The following STAU2 variants were observed in gnomAD, a reference collection of about 807,000 sequenced individuals.
The protein encoded by STAU2 is staufen double-stranded RNA binding protein 2, also known as double-stranded RNA-binding protein Staufen homolog 2.
Under a neutral mutation model 65.9 loss-of-function variants are expected in STAU2, and 20 were observed. The ratio of observed to expected loss-of-function variants is 0.30; its 90% confidence interval spans 0.21 to 0.44. The LOEUF is 0.44. Ranked by LOEUF, STAU2 falls within the 20% of genes least tolerant of loss-of-function variation. The pLI, the probability that STAU2 is intolerant of heterozygous loss-of-function variation, is 1.00. For missense variants in STAU2, 558 were observed against 683.9 expected, an observed-to-expected ratio of 0.82 and a Z score of 2.05; for synonymous variants, 232 against 233.9, an observed-to-expected ratio of 0.99 and a Z score of 0.07.
At position 73,738,406 on chromosome 8, in the gene STAU2, G is replaced by T. The variant is rs547221189; in HGVS notation, c.-83-57C>A. 77 of 1,265,964 alleles carry T rather than the reference G, an allele frequency of 6.1e-5. 1 individual carries two copies. The South Asian group carries it at 8.1e-4, about 13-fold the overall frequency. The allele number at this position is 1,265,964 out of a possible 1,614,324, so 78.4% of individuals were successfully genotyped here. ...ACTTAGCTGATAACCTCAATGACTG[G>T]TATTTTAAACACATGCCCTTGATCA... On this transcript the variant is annotated intron_variant, in intron 2 of 14. Transcript: ENST00000524300.
At chr8:73,641,785 T>C (rs1347984269) in intron 6 of STAU2, among the ~76,000 whole-genome samples, 1 of 152,244 alleles carries the variant, frequency 6.6e-6, no homozygotes, top group Non-Finnish European at 1.5e-5. Context: ...TCTTAAAACA[T>C]ACTTTAGAAA....
rs1806499822 is a variant in STAU2 at position 73,540,881 on chromosome 8, C to T, written c.1530+11131G>A. Reference sequence around the variant, plus strand: ...CTACTGGTGGAAAACTGCAGTCTTACCCACTGGAGGACGCAGAGGAAAGAG... The same window carrying T: ...CTACTGGTGGAAAACTGCAGTCTTATCCACTGGAGGACGCAGAGGAAAGAG... On this transcript the variant is annotated intron_variant, in intron 13 of 14. Coordinates refer to ENST00000524300, the MANE Select transcript of STAU2 (RefSeq NM_001164380.2). Among the ~76,000 whole-genome samples, 5 of 152,108 alleles carry T rather than the reference C, an allele frequency of 3.3e-5. No individual in the cohort carries two copies. In the South Asian group the frequency reaches 1.0e-3, roughly 32 times the overall value.
intron 13 of STAU2, among the ~76,000 whole-genome samples, chr8:73,472,469 G>A (rs183900532): frequency 6.6e-4 from 100 of 151,992 alleles, no homozygotes; most frequent in African/African-American, 2.4e-3. Context: ...TTTTCTCCTG[G>A]GTGTTCAACT....
At chr8:73,568,195 A>G (rs1030737383) in intron 12 of STAU2, among the ~76,000 whole-genome samples, 2 of 152,170 alleles carry the variant, frequency 1.3e-5, no homozygotes, top group African/African-American at 4.8e-5. Flanking sequence ...TGTCTTTTCA[A>G]TTACTTGTAC....
intron 13 of STAU2, among the ~76,000 whole-genome samples, chr8:73,540,634 G>C (rs1046889674): frequency 2.6e-5 from 4 of 152,150 alleles, no homozygotes; most frequent in Non-Finnish European, 5.9e-5. Flanking sequence ...AGAATTGGTA[G>C]AGTTCCAGCT....
chr8:73,634,980 TTCA>T, intron 6 of STAU2, among the ~76,000 whole-genome samples: 1 of 152,314 alleles, frequency 6.6e-6, no homozygotes, highest in African/African-American at 2.4e-5. Context: ...GAATGTACAC[TTCA>T]TGAGGACAGA....
At chr8:73,713,169 A>C (rs1487728312) in intron 3 of STAU2, among the ~76,000 whole-genome samples, 1 of 152,246 alleles carries the variant, frequency 6.6e-6, no homozygotes, top group Non-Finnish European at 1.5e-5. Context: ...GGTAAAATAC[A>C]TATTTATAAT....
At chr8:73,511,120 T>C (rs906064746) in intron 13 of STAU2, among the ~76,000 whole-genome samples, 3 of 152,198 alleles carry the variant, frequency 2.0e-5, no homozygotes, top group African/African-American at 4.8e-5. Context: ...TGCTCTATCT[T>C]ATCCACGAAG....
chr8:73,747,276 T>C (rs1206594207), upstream of STAU2: 1 of 1,299,192 alleles, frequency 7.7e-7, no homozygotes. Flanking sequence ...CTGCCAAGGG[T>C]GGGCCTGGGG....
chr8:73,477,408 CAT>C (rs769578712), intron 13 of STAU2, among the ~76,000 whole-genome samples: 2 of 152,130 alleles, frequency 1.3e-5, no homozygotes, highest in Non-Finnish European at 2.9e-5. Context: ...GGACAGAAAA[CAT>C]AAAACTTGTT....
intron 13 of STAU2, among the ~76,000 whole-genome samples, chr8:73,509,598 T>C (rs1822272085): frequency 6.6e-6 from 1 of 152,198 alleles, no homozygotes; most frequent in Non-Finnish European, 1.5e-5. Flanking sequence ...TATATAACTA[T>C]GCATTTGCCA....
At chr8:73,427,060 C>G (rs1419195038) in intron 13 of STAU2, among the ~76,000 whole-genome samples, 1 of 151,710 alleles carries the variant, frequency 6.6e-6, no homozygotes, top group African/African-American at 2.4e-5. Context: ...TCCCGAGTAG[C>G]TGGGATTACA....
chr8:73,687,531 T>C (rs2130516060), intron 5 of STAU2, among the ~76,000 whole-genome samples: 1 of 142,594 alleles, frequency 7.0e-6, no homozygotes, highest in African/African-American at 2.6e-5. Flanking sequence ...ATATTTAAAC[T>C]ATATATTTAA....
chr8:73,551,785 TGGA>T lies in STAU2; in HGVS notation c.1530+224_1530+226del, dbSNP rs889559571. On this transcript the variant is annotated intron_variant, in intron 13 of 14. Coordinates refer to ENST00000524300, the MANE Select transcript of STAU2 (RefSeq NM_001164380.2). ...AATGCTTAAAAAAGAAGAAGGAAAA[TGGA>T]GAAGAGACAGGCAGCAAAAGAATTA... 17 of 1,196,138 alleles carry T rather than the reference TGGA, an allele frequency of 1.4e-5. No individual in the cohort carries two copies. The African/African-American group carries it at 1.9e-4, about 13-fold the overall frequency. 74.1% of individuals were successfully genotyped at this position (1,196,138 alleles called of 1,614,324 possible). A position where few individuals can be genotyped will look rare whatever the true frequency, so the allele number is the denominator to read the frequency against.
rs1820000273 is a variant in STAU2, at chr8:73,471,347, T to C, written c.1531-48645A>G. Among the ~76,000 whole-genome samples the C allele has an allele frequency of 2.0e-5, 3 of 151,538 alleles. No individual in the cohort carries two copies. In the South Asian group the frequency reaches 6.2e-4, roughly 32 times the overall value. ...ACTAATATGCCTGGCTAATTTATTT[T>C]TTTATTTTTATTTTTTTTTTAGTAA... On this transcript the variant is annotated intron_variant, in intron 13 of 14. Transcript: ENST00000524300.
chr8:73,606,482 T>G (rs1387051538), intron 9 of STAU2, among the ~76,000 whole-genome samples: 1 of 152,098 alleles, frequency 6.6e-6, no homozygotes, highest in Non-Finnish European at 1.5e-5. Flanking sequence ...AGTAAACACA[T>G]AAAAAATTCT....
chr8:73,595,798 G>C (rs1811138535), intron 10 of STAU2, among the ~76,000 whole-genome samples: 2 of 152,034 alleles, frequency 1.3e-5, no homozygotes, highest in African/African-American at 2.4e-5. Flanking sequence ...TAATATACAA[G>C]TGTTCCTACA....
At chr8:73,515,675 G>A (rs1765126620) in intron 13 of STAU2, among the ~76,000 whole-genome samples, 1 of 151,822 alleles carries the variant, frequency 6.6e-6, no homozygotes, top group South Asian at 2.1e-4. Context: ...GAAATTCTAG[G>A]TGAGGATCCC....
At chr8:73,722,820 T>C (rs1209319242) in intron 3 of STAU2, among the ~76,000 whole-genome samples, 1 of 152,158 alleles carries the variant, frequency 6.6e-6, no homozygotes, top group Non-Finnish European at 1.5e-5. Flanking sequence ...TTTACCATGG[T>C]CCAATCGACA....
Sources: gnomAD v4.1 joint callset for allele counts (sites outside exome capture counted in the v4.1 genomes callset) on GRCh38, gnomAD v4.1.1 for gene constraint, MANE v1.5 for transcripts, NCBI Gene and HGNC (gene_info 2026-07-23, HGNC 2026-07-21) for gene names.